Variants in HHLA1 observed in about 807,000 individuals in gnomAD.
The protein encoded by HHLA1 is HHLA1 neighbor of OC90.
Under a neutral mutation model 69.9 loss-of-function variants are expected in HHLA1, and 72 were observed. The ratio of observed to expected loss-of-function variants is 1.03; its 90% CI spans 0.85 to 1.25. HHLA1 has a LOEUF of 1.25. Among genes scored for constraint, HHLA1 ranks in the 50% most tolerant of loss-of-function variants. The pLI is 0.00. For synonymous variants in HHLA1, 252 were observed against 233.2 expected (o/e 1.08, Z -0.73); for missense variants, 685 against 642.2 (o/e 1.07, Z -0.72).
At chr8:132,088,822 A>G (rs1009508999) in intron 8 of HHLA1, among the ~76,000 whole-genome samples, 3 of 152,200 alleles carry the variant, frequency 2.0e-5, no homozygotes, top group African/African-American at 7.2e-5. Flanking sequence ...GTAGGGATAA[A>G]TATAGTAGCT....
rs1449138348 is a variant in HHLA1, at chr8:132,063,330, G to A, written c.*665C>T. 3.3e-5 allele frequency: 5 copies of A among 152,308 alleles called. No homozygotes were observed. The highest frequency in any genetic ancestry group is 3.9e-4 in the East Asian group (2 of 5,178). 9.4% of individuals were successfully genotyped at this position (152,308 alleles called of 1,614,324 possible). A position where few individuals can be genotyped will look rare whatever the true frequency, so the allele number is the denominator to read the frequency against. On this transcript the variant is annotated 3_prime_UTR_variant, in exon 17 of 17. Transcript: ENST00000414222. Reference sequence around the variant, plus strand: ...CATTGAACCTGAGGGTGCTCATGGGGACCTCTGAATCCAGTGGGTCACACA... The same window carrying A: ...CATTGAACCTGAGGGTGCTCATGGGAACCTCTGAATCCAGTGGGTCACACA...
chr8:132,099,934 T>A (rs1563749153), intron 4 of HHLA1, 141 bp downstream of exon 4: 3 of 647,174 alleles, frequency 4.6e-6, no homozygotes, highest in Admixed American at 2.7e-5. Flanking sequence ...AACATTGTCT[T>A]CTTCAACTTT....
intron 10 of HHLA1, among the ~76,000 whole-genome samples, chr8:132,082,618 T>C (rs1313891640): frequency 1.3e-5 from 2 of 152,012 alleles, no homozygotes; most frequent in East Asian, 1.9e-4. Flanking sequence ...CAGTACAGCC[T>C]TGGTAATTTG....
rs1427503081 is a variant in HHLA1, at chr8:132,079,787, T to G, written c.856A>C (p.Arg286=). Residue 286 remains arginine, a synonymous_variant, in exon 11 of 17, where the codon AGG becomes CGG. Coordinates refer to ENST00000414222, the MANE Select transcript of HHLA1 (RefSeq NM_001145095.3). ...GCCCTGGCTGGAAGCTCAGGAGGCC[T>G]GCCTGTGTTCAGGGTCTCCTCTGTT... The part of the protein sequence containing the change: ...SETEETLNTG[R]PPELPARATA... The G allele has an allele frequency of 6.4e-7, 1 of 1,551,574 alleles. No individual in the cohort carries two copies. The highest frequency in any genetic ancestry group is 8.7e-7 in the Non-Finnish European group (1 of 1,146,988).
chr8:132,080,574 T>C (rs1168487140), intron 10 of HHLA1: 2 of 184,308 alleles, frequency 1.1e-5, no homozygotes, highest in African/African-American at 4.8e-5. Context: ...TCAGTTAAGG[T>C]GGGGCAGGGC....
intron 1 of HHLA1, among the ~76,000 whole-genome samples, chr8:132,106,249 A>G (rs1212687941): frequency 6.6e-6 from 1 of 152,226 alleles, no homozygotes; most frequent in Non-Finnish European, 1.5e-5. Flanking sequence ...GGATTGGAGA[A>G]AAATGTTGCA....
intron 1 of HHLA1, among the ~76,000 whole-genome samples, chr8:132,108,923 C>G (rs1370718989): frequency 6.6e-6 from 1 of 152,228 alleles, no homozygotes; most frequent in African/African-American, 2.4e-5. Flanking sequence ...TTTGTCTTGT[C>G]ACTTCTCCAC....
chr8:132,086,135 T>A (rs1966702), intron 10 of HHLA1, among the ~76,000 whole-genome samples: 5 of 152,048 alleles, frequency 3.3e-5, no homozygotes, highest in Non-Finnish European at 7.4e-5. Flanking sequence ...GGTTGCTCCA[T>A]GAAGAAAAGA....
Position 132,087,835 on chromosome 8 carries a change from A to C in HHLA1, c.589+10T>G. On this transcript the variant is annotated intron_variant, in intron 9 of 16. Coordinates refer to ENST00000414222, the MANE Select transcript of HHLA1 (RefSeq NM_001145095.3). ...CCAGAGAGCTTGTCAAAGAATGTCT[A>C]GTGGTTTACCTGACTTTCCTGTCAT... 1.3e-6 allele frequency: 2 copies of C among 1,550,356 alleles called. No individual in the cohort carries two copies. The highest frequency in any genetic ancestry group is 1.7e-6 in the Non-Finnish European group (2 of 1,145,636).
In HHLA1 at chr8:132,079,741, G is replaced by GGTTCAGC; in HGVS notation, c.901_902insGCTGAAC (p.Ala301GlyfsTer2). The GGTTCAGC allele has an allele frequency of 6.4e-7, 1 of 1,551,140 alleles. No individual in the cohort carries two copies. Among genetic ancestry groups the GGTTCAGC allele is most frequent in the Non-Finnish European group, 8.7e-7 (1 of 1,146,720 alleles). On this transcript the variant is annotated stop_gained and frameshift_variant, in exon 11 of 17. Coordinates refer to ENST00000414222, the MANE Select transcript of HHLA1 (RefSeq NM_001145095.3). LOFTEE classifies it high-confidence loss of function. ...ACCCAAGGCTGGGAGAGTGTGGGAG[G>GGTTCAGC]CACTGAACCATGTGGCTGTGGCCCT...
intron 10 of HHLA1, among the ~76,000 whole-genome samples, chr8:132,084,809 GTTGGGGCACAGAAATAAGGGA>G (rs1316306299): frequency 1.3e-5 from 2 of 151,694 alleles, no homozygotes; most frequent in Non-Finnish European, 2.9e-5. Context: ...TAGAGAAGGG[GTTGGGGCACAGAAATAAGGGA>G]TTGGGGCACA....
At chr8:132,095,939 T>G (rs184037490) in intron 5 of HHLA1, among the ~76,000 whole-genome samples, 153 bp from the exon 6 acceptor site, 18 of 152,054 alleles carry the variant, frequency 1.2e-4, no homozygotes, top group Admixed American at 5.2e-4. Context: ...AAATAAAAAA[T>G]AATAAACAAA....
At chr8:132,085,468 G>C in intron 10 of HHLA1, 1 of 391,454 alleles carries the variant, frequency 2.6e-6, no homozygotes, top group Non-Finnish European at 5.1e-6. Flanking sequence ...GTCGTAGGTG[G>C]ATCTTTCTCA....
intron 7 of HHLA1, among the ~76,000 whole-genome samples, chr8:132,094,778 A>G (rs1823996452): frequency 1.3e-5 from 2 of 152,156 alleles, no homozygotes. Context: ...GTCCCACGGG[A>G]GCAGGAGGTG....
chr8:132,071,570 G>A, intron 14 of HHLA1, 77 bp from the exon 15 acceptor site: 1 of 1,368,738 alleles, frequency 7.3e-7, no homozygotes, highest in Non-Finnish European at 1.0e-6. Context: ...CCCTGCATCA[G>A]GTGAATATAG....
chr8:132,077,821 C>T lies in HHLA1; in HGVS notation c.1076G>A (p.Gly359Glu), dbSNP rs1022153046. ...TGTAGTGTTCATGGCTTCCTCGGTC[C>T]CTGCAGTAGTCGGTGGGGAAGAACG... ...ETRSSPPTTAGTEEAMNTTSL... is the reference protein window; with the variant it reads ...ETRSSPPTTAETEEAMNTTSL... The change falls in exon 12 of 17, where the codon GGG becomes GAG. Residue 359 changes from glycine to glutamate, a missense_variant. Transcript: ENST00000414222. The T allele has an allele frequency of 1.4e-5, 22 of 1,551,466 alleles. No individual in the cohort carries two copies. The highest frequency in any genetic ancestry group is 5.5e-5 in the African/African-American group (4 of 73,016).
At chr8:132,087,604 A>T in intron 10 of HHLA1, 49 bp downstream of exon 10, 1 of 1,230,038 alleles carries the variant, frequency 8.1e-7, no homozygotes, top group Non-Finnish European at 1.2e-6. Flanking sequence ...GCCAGGTGGG[A>T]CCCTGGTCTG....
intron 7 of HHLA1, among the ~76,000 whole-genome samples, chr8:132,091,274 C>T (rs1212329527): frequency 6.6e-6 from 1 of 152,168 alleles, no homozygotes; most frequent in Non-Finnish European, 1.5e-5. Flanking sequence ...CAATAAAATG[C>T]AACTTGGAAG....
intron 10 of HHLA1, among the ~76,000 whole-genome samples, chr8:132,086,779 T>G (rs1823871532): frequency 6.6e-6 from 1 of 152,200 alleles, no homozygotes; most frequent in African/African-American, 2.4e-5. Context: ...CCATACAAAC[T>G]GAGGTTCCTT....
Sources: gnomAD v4.1 joint callset for allele counts (sites outside exome capture counted in the v4.1 genomes callset) on GRCh38, gnomAD v4.1.1 for gene constraint, MANE v1.5 for transcripts, NCBI Gene and HGNC (gene_info 2026-07-23, HGNC 2026-07-21) for gene names.